MRAS: variants seen among roughly 807,000 people sequenced by gnomAD.
MRAS encodes muscle RAS oncogene homolog.
Under a neutral mutation model 20.9 loss-of-function variants are expected in MRAS, and 4 were observed. The ratio of observed to expected loss-of-function variants is 0.19; its 90% CI spans 0.09 to 0.44. The LOEUF is 0.44. MRAS is among the 20% of genes least tolerant of loss of function. The pLI is 0.99. For missense variants in MRAS, 154 were observed against 277.5 expected (o/e 0.56, Z 3.16); for synonymous variants, 98 against 102.9 (o/e 0.95, Z 0.29).
At chr3:138,398,359 G>T in intron 3 of MRAS, 110 bp from the exon 4 acceptor site, 1 of 842,752 alleles carries the variant, frequency 1.2e-6, no homozygotes, top group Non-Finnish European at 2.0e-6. Flanking sequence ...AGGCTGACTG[G>T]GGAGGTGCTG....
chr3:138,365,330 G>A (rs1481508917), intron 1 of MRAS, among the ~76,000 whole-genome samples: 1 of 152,216 alleles, frequency 6.6e-6, no homozygotes, highest in East Asian at 1.9e-4. Flanking sequence ...GTCGCAGATG[G>A]CTCCGCCCTG....
intron 1 of MRAS, among the ~76,000 whole-genome samples, chr3:138,354,395 T>C (rs2054288942): frequency 6.6e-6 from 1 of 152,224 alleles, no homozygotes; most frequent in East Asian, 1.9e-4. Flanking sequence ...CCTGGCCAGT[T>C]TGGCCCATCC....
At chr3:138,405,535 ATC>A (rs1560194148), downstream of MRAS, 1 of 152,454 alleles carries the variant, frequency 6.6e-6, no homozygotes, top group Non-Finnish European at 1.5e-5. Flanking sequence ...AGAAACACGT[ATC>A]TGTCTTAGTT....
intron 1 of MRAS, chr3:138,350,471 C>G (rs1419749695): frequency 6.6e-6 from 1 of 152,104 alleles, no homozygotes; most frequent in Non-Finnish European, 1.5e-5. Flanking sequence ...AGGTGTTGGG[C>G]AAGCCTCGTG....
At chr3:138,377,697 C>T (rs1441864294) in intron 2 of MRAS, among the ~76,000 whole-genome samples, 1 of 152,202 alleles carries the variant, frequency 6.6e-6, no homozygotes, top group Non-Finnish European at 1.5e-5. Flanking sequence ...TGGAGGTGCC[C>T]TCAGTTGCCC....
rs1294229656 is a variant in MRAS at position 138,348,705 on chromosome 3, C to T, written c.-81C>T. On this transcript the variant is annotated 5_prime_UTR_variant, in exon 1 of 6. Coordinates refer to ENST00000423968, the MANE Select transcript of MRAS (RefSeq NM_001085049.3). ...CCCGGCGGGCGCGACGCTGCCTCCT[C>T]ACCGGCGCAGGCTAGGAGGGGGCGG... 1 of 151,806 alleles carries T rather than the reference C, an allele frequency of 6.6e-6. No homozygotes were observed. The highest frequency in any genetic ancestry group is 2.4e-5 in the African/African-American group (1 of 41,478). The allele number at this position is 151,806 out of a possible 1,614,324, so 9.4% of individuals were successfully genotyped here.
chr3:138,355,576 CTCT>C (rs1190465572), intron 1 of MRAS, among the ~76,000 whole-genome samples: 1 of 152,242 alleles, frequency 6.6e-6, no homozygotes, highest in Non-Finnish European at 1.5e-5. Flanking sequence ...ACCCCAAGTC[CTCT>C]TCATTAAGTG....
chr3:138,378,695 A>G (rs1679147), intron 2 of MRAS, among the ~76,000 whole-genome samples: 108,042 of 152,092 alleles, frequency 0.71, 38,768 homozygotes, highest in East Asian at 0.95. Flanking sequence ...GCAGAGCCAT[A>G]GAGTTTTGTG....
chr3:138,395,952 G>A (rs1259534561), intron 2 of MRAS, among the ~76,000 whole-genome samples: 1 of 152,234 alleles, frequency 6.6e-6, no homozygotes, highest in Non-Finnish European at 1.5e-5. Flanking sequence ...CAGACCTGCC[G>A]TTACCCCTGG....
intron 2 of MRAS, among the ~76,000 whole-genome samples, chr3:138,387,204 T>C (rs1251942403): frequency 1.3e-5 from 2 of 152,166 alleles, no homozygotes; most frequent in Non-Finnish European, 2.9e-5. Context: ...AAGTTGATGC[T>C]CAGGCCTTTA....
At chr3:138,388,795 G>T (rs1467788981) in intron 2 of MRAS, among the ~76,000 whole-genome samples, 1 of 152,166 alleles carries the variant, frequency 6.6e-6, no homozygotes, top group Non-Finnish European at 1.5e-5. Flanking sequence ...TCTATTGCTT[G>T]ATATTCCGTG....
chr3:138,364,961 G>A (rs2054530279), intron 1 of MRAS, among the ~76,000 whole-genome samples: 1 of 152,192 alleles, frequency 6.6e-6, no homozygotes, highest in African/African-American at 2.4e-5. Context: ...AGCTGCCTCT[G>A]CCCTGGCCTG....
chr3:138,395,095 C>T (rs1353308459), intron 2 of MRAS, among the ~76,000 whole-genome samples: 1 of 151,782 alleles, frequency 6.6e-6, no homozygotes, highest in African/African-American at 2.4e-5. Flanking sequence ...GGCTGGAGTG[C>T]AGTGGCGCTA....
chr3:138,393,968 G>A (rs1560184815), intron 2 of MRAS, among the ~76,000 whole-genome samples: 1 of 152,124 alleles, frequency 6.6e-6, no homozygotes, highest in East Asian at 1.9e-4. Context: ...TGGGATTACA[G>A]GCATGAGCCA....
intron 1 of MRAS, among the ~76,000 whole-genome samples, chr3:138,358,384 A>C (rs529556066): frequency 1.1e-4 from 16 of 152,168 alleles, no homozygotes; most frequent in Non-Finnish European, 2.1e-4. Flanking sequence ...TCATCTAAAA[A>C]AGAATTAGGC....
At chr3:138,364,145 C>G (rs538881000) in intron 1 of MRAS, among the ~76,000 whole-genome samples, 1 of 152,204 alleles carries the variant, frequency 6.6e-6, no homozygotes, top group Non-Finnish European at 1.5e-5. Context: ...AAGGCATAGT[C>G]GGGGAGCTGA....
chr3:138,364,792 T>C (rs2054527340), intron 1 of MRAS, among the ~76,000 whole-genome samples: 1 of 152,080 alleles, frequency 6.6e-6, no homozygotes, highest in South Asian at 2.1e-4. Context: ...GGGTGGGAAG[T>C]GTTTATTTTT....
chr3:138,370,376 G>T lies in MRAS; in HGVS notation c.-18-2490G>T, dbSNP rs28581609. Among the ~76,000 whole-genome samples the T allele has an allele frequency of 9.1e-3, 1,382 of 152,254 alleles. 7 individuals carry two copies. The highest frequency in any genetic ancestry group is 0.014 in the Non-Finnish European group (980 of 68,022). On this transcript the variant is annotated intron_variant, in intron 1 of 5. Coordinates refer to ENST00000423968, the MANE Select transcript of MRAS (RefSeq NM_001085049.3). ...ACCCATAGCCCAGCGTCATTGCCCAGGACAGAGCAGCAGTTGCAGAGGGGC... is the reference window on the plus strand; with the variant it reads ...ACCCATAGCCCAGCGTCATTGCCCATGACAGAGCAGCAGTTGCAGAGGGGC...
At position 138,390,540 on chromosome 3, in the gene MRAS, A is replaced by C. The variant is rs1297503274; in HGVS notation, c.194-6784A>C. 2.0e-5 allele frequency among the ~76,000 whole-genome samples: 3 copies of C among 152,206 alleles called. No individual in the cohort carries two copies. The East Asian group carries it at 5.8e-4, about 29-fold the overall frequency. On this transcript the variant is annotated intron_variant, in intron 2 of 5. Transcript: ENST00000423968. The stretch of plus-strand genomic sequence containing the variant: ...GGAGTCCTCCTACCTTCATGACATC[A>C]GGCATGGGGAATGCAGGCAGGATCA...
Sources: allele counts gnomAD v4.1 joint callset (sites outside exome capture counted in the v4.1 genomes callset), GRCh38; gene constraint gnomAD v4.1.1; transcripts MANE v1.5; gene names NCBI Gene and HGNC (gene_info 2026-07-23, HGNC 2026-07-21).